Variants in DMD observed in about 807,000 individuals in gnomAD.
DMD encodes dystrophin.
DMD carries 63 observed loss-of-function variants against 330.1 expected under a neutral mutation model. That is an observed-to-expected ratio of 0.19 (90% confidence interval 0.16 to 0.24). DMD has a LOEUF of 0.24. Ranked by LOEUF, DMD falls within the 10% of genes least tolerant of loss-of-function variation. The pLI, the probability that DMD is intolerant of heterozygous loss-of-function variation, is 1.00. For missense variants in DMD, 3,344 were observed against 2,684.1 expected, an observed-to-expected ratio of 1.25 and a Z score of -5.43; for synonymous variants, 1,223 against 959.8, an observed-to-expected ratio of 1.27 and a Z score of -5.07.
intron 55 of DMD, among the ~76,000 whole-genome samples, chrX:31,510,661 C>T (rs910056691): frequency 5.5e-5 from 6 of 109,137 alleles, no homozygotes; most frequent in Non-Finnish European, 1.1e-4. Context: ...GCGCCCGCCA[C>T]CACGCCTGGC....
chrX:32,426,588 C>A (rs1218556768), intron 29 of DMD, among the ~76,000 whole-genome samples: 2 of 111,560 alleles, frequency 1.8e-5, no homozygotes, highest in African/African-American at 6.5e-5. Context: ...AAAAACAGAA[C>A]ACAGCAACCC....
chrX:32,853,466 G>C (rs2081293986), intron 2 of DMD, among the ~76,000 whole-genome samples: 1 of 111,803 alleles, frequency 8.9e-6, no homozygotes, highest in Non-Finnish European at 1.9e-5. Context: ...CGAAGTTTGA[G>C]TTTTTAATTA....
At chrX:31,659,639 G>GGAAAAAAA (rs1829079513) in intron 53 of DMD, among the ~76,000 whole-genome samples, 1 of 39,982 alleles carries the variant, frequency 2.5e-5, no homozygotes, top group African/African-American at 9.3e-5. Flanking sequence ...CTCCATCTCG[G>GGAAAAAAA]AAAAAAAAAA....
At position 32,488,959 on chromosome X, in the gene DMD, T is replaced by C. The variant is rs1470962622; in HGVS notation, c.2622+2318A>G. Among the ~76,000 whole-genome samples, 5 of 111,198 alleles carry C rather than the reference T, an allele frequency of 4.5e-5. No individual in the cohort carries two copies. The Admixed American group carries it at 4.8e-4, about 11-fold the overall frequency. ...CCTGGAATCTTGCTTAACTGTTCTC[T>C]TACCTAATTCTAACTTATCACAAAA... On this transcript the variant is annotated intron_variant, in intron 20 of 78. Coordinates refer to ENST00000357033, the MANE Select transcript of DMD (RefSeq NM_004006.3).
At chrX:32,142,429 C>G (rs1427308703) in intron 44 of DMD, among the ~76,000 whole-genome samples, 1 of 111,999 alleles carries the variant, frequency 8.9e-6, no homozygotes, top group Non-Finnish European at 1.9e-5. Flanking sequence ...TTGCTGAGTC[C>G]CCTTGGGGAT....
chrX:31,479,804 A>C (rs957161773), intron 57 of DMD, among the ~76,000 whole-genome samples: 26 of 112,144 alleles, frequency 2.3e-4, no homozygotes, highest in Non-Finnish European at 3.9e-4. Flanking sequence ...AGAGAAAAAC[A>C]AAATGAATAG....
chrX:31,616,175 T>C (rs2078188140), intron 55 of DMD, among the ~76,000 whole-genome samples: 1 of 111,853 alleles, frequency 8.9e-6, no homozygotes, highest in Non-Finnish European at 1.9e-5. Flanking sequence ...TAATGCAATG[T>C]CAGAAGTACT....
chrX:32,310,525 A>T (rs1369514090), intron 41 of DMD, among the ~76,000 whole-genome samples: 3 of 111,560 alleles, frequency 2.7e-5, no homozygotes, highest in African/African-American at 9.7e-5. Flanking sequence ...CATAAATATA[A>T]GACGAAAGAC....
At position 33,160,301 on chromosome X, in the gene DMD, C is replaced by T. The variant is rs777578591; in HGVS notation, c.31+50981G>A. On this transcript the variant is annotated intron_variant, in intron 1 of 78. Transcript: ENST00000357033. Reference sequence around the variant, plus strand: ...ACTGTAAGTCGAGGGATATCAGCAACGCGTTTAGGAAAAATAGAGGCAAAG... The same window carrying T: ...ACTGTAAGTCGAGGGATATCAGCAATGCGTTTAGGAAAAATAGAGGCAAAG... Among the ~76,000 whole-genome samples the T allele has an allele frequency of 1.4e-4, 16 of 111,377 alleles. No individual in the cohort carries two copies. In the Admixed American group the frequency reaches 1.4e-3, roughly 10 times the overall value.
At chrX:32,495,065 C>T (rs964373527) in intron 19 of DMD, among the ~76,000 whole-genome samples, 10 of 111,062 alleles carry the variant, frequency 9.0e-5, no homozygotes, top group African/African-American at 1.6e-4. Flanking sequence ...TATAAAGAAA[C>T]GAAAACATTT....
At chrX:32,511,430 G>C (rs2045302218) in intron 18 of DMD, among the ~76,000 whole-genome samples, 1 of 103,393 alleles carries the variant, frequency 9.7e-6, no homozygotes, top group African/African-American at 3.5e-5. Context: ...GCTGAGGCAG[G>C]AGAATCGCTT....
intron 2 of DMD, among the ~76,000 whole-genome samples, chrX:33,010,656 T>C (rs1335468978): frequency 9.0e-6 from 1 of 111,488 alleles, no homozygotes; most frequent in Non-Finnish European, 1.9e-5. Context: ...ATTTTGAGTC[T>C]TTTAACTCAT....
chrX:32,345,337 G>A (rs1387654293), intron 39 of DMD, among the ~76,000 whole-genome samples: 1 of 111,439 alleles, frequency 9.0e-6, no homozygotes, highest in Non-Finnish European at 1.9e-5. Context: ...GTCACCTGGG[G>A]ACTTGAAGCC....
At chrX:33,222,895 T>C (rs7877447) in intron 1 of DMD, among the ~76,000 whole-genome samples, 18,029 of 111,644 alleles carry the variant, frequency 0.16, 2,101 homozygotes, top group African/African-American at 0.41. Context: ...ATGTCAGTTA[T>C]TCTCAAATTG....
At chrX:33,000,539 G>T (rs974911601) in intron 2 of DMD, among the ~76,000 whole-genome samples, 1 of 111,796 alleles carries the variant, frequency 8.9e-6, no homozygotes, top group Non-Finnish European at 1.9e-5. Context: ...GACTTAGTCA[G>T]AATATTCTAA....
chrX:31,554,037 A>T (rs763314309), intron 55 of DMD, among the ~76,000 whole-genome samples: 1 of 112,585 alleles, frequency 8.9e-6, no homozygotes, highest in East Asian at 2.8e-4. Context: ...CTTCGCCAAC[A>T]GCTATGCAGT....
In DMD at chrX:31,658,052, A is replaced by T. The variant is rs1194637880; in HGVS notation, c.7965T>A (p.Asp2655Glu). 2 of 1,211,045 alleles carry T rather than the reference A, an allele frequency of 1.7e-6. No individual in the cohort carries two copies. The highest frequency in any genetic ancestry group is 3.5e-5 in the South Asian group (2 of 57,004). The change falls in exon 54 of 79, where the codon GAT (aspartate) becomes GAA (glutamate). Residue 2655 changes from aspartate (D) to glutamate (E), a missense_variant. By Grantham distance (45) the Asp-to-Glu change is conservative. Transcript: ENST00000357033. ...CTGTTATCATGTGGACTTTTCTGGT[A>T]TCATCTGCAGAATAATCCCGGAGAA... is the stretch of plus-strand genomic sequence containing the variant. Reference protein sequence around the residue: ...LKLLRDYSADDTRKVHMITEN... With the variant: ...LKLLRDYSADETRKVHMITEN...
chrX:33,043,175 C>T (rs1010563927), intron 1 of DMD, among the ~76,000 whole-genome samples: 29 of 111,864 alleles, frequency 2.6e-4, no homozygotes, highest in Non-Finnish European at 4.5e-4. Context: ...CAGTAACAAA[C>T]GAACAGGGAA....
intron 2 of DMD, among the ~76,000 whole-genome samples, chrX:32,934,233 T>C (rs2089820953): frequency 1.8e-5 from 2 of 111,242 alleles, no homozygotes; most frequent in African/African-American, 6.5e-5. Context: ...AGAAACAAGG[T>C]AATAAACACT....
Sources: allele counts gnomAD v4.1 joint callset (sites outside exome capture counted in the v4.1 genomes callset), GRCh38; gene constraint gnomAD v4.1.1; transcripts MANE v1.5; gene names NCBI Gene and HGNC (gene_info 2026-07-23, HGNC 2026-07-21).